The following SAMD12 variants were observed in gnomAD, a reference collection of about 807,000 sequenced individuals.
The protein encoded by SAMD12 is sterile alpha motif domain-containing protein 12.
SAMD12 carries 9 observed loss-of-function variants against 15.0 expected under a neutral mutation model. That is an observed-to-expected ratio of 0.60 (90% CI 0.36 to 1.05). The LOEUF (loss-of-function observed/expected upper bound fraction) is 1.05. SAMD12 is among the 50% of genes least tolerant of loss of function. The pLI is 0.01. For missense variants in SAMD12, 230 were observed against 234.2 expected, an observed-to-expected ratio of 0.98 and a Z score of 0.12; for synonymous variants, 86 against 90.1, an observed-to-expected ratio of 0.96 and a Z score of 0.25.
intron 2 of SAMD12, among the ~76,000 whole-genome samples, chr8:118,549,892 A>G (rs1826268602): frequency 6.6e-6 from 1 of 152,244 alleles, no homozygotes; most frequent in African/African-American, 2.4e-5. Context: ...CAGAAGCCTC[A>G]GGAGCCGATG....
intron 2 of SAMD12, among the ~76,000 whole-genome samples, chr8:118,499,486 C>A (rs182034339): frequency 2.6e-5 from 4 of 152,306 alleles, no homozygotes; most frequent in Admixed American, 2.6e-4. Context: ...CATGTAACCT[C>A]CTCAAGCCAA....
intron 4 of SAMD12, among the ~76,000 whole-genome samples, chr8:118,347,358 T>C (rs916352722): frequency 7.2e-5 from 11 of 152,232 alleles, no homozygotes; most frequent in African/African-American, 2.7e-4. Flanking sequence ...TGAACCATTC[T>C]GGTTAGGGAG....
chr8:118,215,235 C>T (rs1237257106), intron 4 of SAMD12, among the ~76,000 whole-genome samples: 1 of 152,166 alleles, frequency 6.6e-6, no homozygotes, highest in Admixed American at 6.5e-5. Flanking sequence ...CACAGCCACA[C>T]CCATTTGTTT....
chr8:118,180,561 T>TCG, the SAMD12 span, among the ~76,000 whole-genome samples: 9 of 151,512 alleles, frequency 5.9e-5, no homozygotes, highest in Non-Finnish European at 1.0e-4. Context: ...TCTCTCTCTC[T>TCG]CTCGCTCTTT....
intron 2 of SAMD12, among the ~76,000 whole-genome samples, chr8:118,526,644 A>C (rs1290485786): frequency 6.6e-6 from 1 of 152,140 alleles, no homozygotes; most frequent in Non-Finnish European, 1.5e-5. Context: ...AGTGCTGTTC[A>C]TACCCCTAGG....
At chr8:118,573,902 G>T (rs1361914926) in intron 2 of SAMD12, among the ~76,000 whole-genome samples, 1 of 152,162 alleles carries the variant, frequency 6.6e-6, no homozygotes, top group Admixed American at 6.5e-5. Context: ...CATTGATATT[G>T]CAGCAGTGAA....
At chr8:118,473,042 G>T (rs934951644) in intron 2 of SAMD12, among the ~76,000 whole-genome samples, 14 of 152,202 alleles carry the variant, frequency 9.2e-5, no homozygotes, top group Non-Finnish European at 2.1e-4. Context: ...TACTTCCAGT[G>T]GGGTCAACCA....
intron 3 of SAMD12, among the ~76,000 whole-genome samples, chr8:118,391,419 A>C (rs1273030069): frequency 6.6e-6 from 1 of 152,226 alleles, no homozygotes; most frequent in Non-Finnish European, 1.5e-5. Flanking sequence ...GGTGGTGAGA[A>C]ATCCACTGGG....
At chr8:118,351,671 C>T (rs1817971678) in intron 4 of SAMD12, among the ~76,000 whole-genome samples, 2 of 152,064 alleles carry the variant, frequency 1.3e-5, no homozygotes, top group African/African-American at 4.8e-5. Flanking sequence ...TTTCTGGGAG[C>T]AGAAAGTTGA....
intron 2 of SAMD12, among the ~76,000 whole-genome samples, chr8:118,533,633 A>T (rs996671741): frequency 6.6e-6 from 1 of 152,164 alleles, no homozygotes; most frequent in Non-Finnish European, 1.5e-5. Flanking sequence ...CCTGTATTAG[A>T]TGCATATATA....
chr8:118,523,382 G>C (rs1325090156), intron 2 of SAMD12, among the ~76,000 whole-genome samples: 10 of 152,266 alleles, frequency 6.6e-5, no homozygotes, highest in Non-Finnish European at 4.4e-5. Context: ...AAGCAATCAT[G>C]AATCAGCTCC....
intron 2 of SAMD12, among the ~76,000 whole-genome samples, chr8:118,529,448 A>G (rs974944978): frequency 2.0e-5 from 3 of 152,188 alleles, no homozygotes; most frequent in Admixed American, 2.0e-4. Context: ...TTACATGGAT[A>G]TATTGCATAG....
the SAMD12 span, among the ~76,000 whole-genome samples, chr8:118,178,207 T>C: frequency 1.3e-5 from 2 of 152,328 alleles, no homozygotes; most frequent in Non-Finnish European, 2.9e-5. Context: ...TTTAGTGTAG[T>C]TAAAACCTAA....
chr8:118,232,287 T>TG (rs1382025367), intron 4 of SAMD12, among the ~76,000 whole-genome samples: 1 of 152,092 alleles, frequency 6.6e-6, no homozygotes, highest in Non-Finnish European at 1.5e-5. Context: ...TAAATCATCC[T>TG]GGGGGATCAG....
At chr8:118,572,438 C>A (rs917873898) in intron 2 of SAMD12, among the ~76,000 whole-genome samples, 2 of 152,110 alleles carry the variant, frequency 1.3e-5, no homozygotes, top group Non-Finnish European at 2.9e-5. Context: ...TGGGAGGGGC[C>A]AGGGGCAGGA....
At chr8:118,256,006 T>C (rs1201898899) in intron 4 of SAMD12, among the ~76,000 whole-genome samples, 1 of 152,154 alleles carries the variant, frequency 6.6e-6, no homozygotes, top group Non-Finnish European at 1.5e-5. Context: ...CCACATCCTC[T>C]CCAGCACCTG....
chr8:118,470,790 T>C (rs377068810), intron 2 of SAMD12, among the ~76,000 whole-genome samples: 6 of 152,240 alleles, frequency 3.9e-5, no homozygotes, highest in African/African-American at 1.4e-4. Context: ...TCTGTATTCA[T>C]TCAGCATTTG....
At chr8:118,590,113 G>A (rs1827548110) in intron 1 of SAMD12, among the ~76,000 whole-genome samples, 1 of 151,974 alleles carries the variant, frequency 6.6e-6, no homozygotes, top group Non-Finnish European at 1.5e-5. Flanking sequence ...AAGAGCTATG[G>A]GCACAGAAAA....
At chr8:118,381,294 G>C (rs1436089361) in intron 3 of SAMD12, among the ~76,000 whole-genome samples, 2 of 152,150 alleles carry the variant, frequency 1.3e-5, no homozygotes, top group Non-Finnish European at 2.9e-5. Flanking sequence ...CATAACTACA[G>C]CTCAGGCTTG....
Sources: gnomAD v4.1 joint callset for allele counts (sites outside exome capture counted in the v4.1 genomes callset) on GRCh38, gnomAD v4.1.1 for gene constraint, MANE v1.5 for transcripts, NCBI Gene and HGNC (gene_info 2026-07-23, HGNC 2026-07-21) for gene names.